The following APBA1 variants were observed in gnomAD, a reference collection of about 807,000 sequenced individuals.
APBA1 encodes the protein amyloid beta precursor protein binding family A member 1.
In APBA1, 55 loss-of-function variants were observed where a neutral mutation model predicts 86.6. The ratio of observed to expected loss-of-function variants is 0.64; its 90% CI spans 0.51 to 0.80. APBA1 has a LOEUF of 0.80. Among genes scored for constraint, APBA1 ranks in the 30% least tolerant of loss-of-function variants. The probability of loss-of-function intolerance (pLI) is 0.00; values close to 1 mark genes in which losing one functional copy is unlikely to be tolerated. For synonymous variants in APBA1, 511 were observed against 493.9 expected (o/e 1.03, Z -0.46); for missense variants, 1,090 against 1,183.0 (o/e 0.92, Z 1.15).
At chr9:69,531,935 C>T (rs1196424466) in intron 1 of APBA1, among the ~76,000 whole-genome samples, 1 of 152,170 alleles carries the variant, frequency 6.6e-6, no homozygotes, top group Non-Finnish European at 1.5e-5. Flanking sequence ...CCTTACTGTG[C>T]TTCAGTTTTC....
chr9:69,561,355 G>A (rs1165512087), intron 1 of APBA1, among the ~76,000 whole-genome samples: 2 of 152,190 alleles, frequency 1.3e-5, no homozygotes, highest in East Asian at 1.9e-4. Flanking sequence ...TGACTGGGTG[G>A]AGGAACACAC....
intron 1 of APBA1, among the ~76,000 whole-genome samples, chr9:69,635,277 T>C (rs138876417): frequency 9.3e-4 from 141 of 152,162 alleles, no homozygotes; most frequent in African/African-American, 3.2e-3. Flanking sequence ...GTTTATGCAA[T>C]TGGTGTTAAG....
chr9:69,503,174 G>GT (rs1387303194), intron 2 of APBA1, among the ~76,000 whole-genome samples: 18 of 152,118 alleles, frequency 1.2e-4, no homozygotes, highest in African/African-American at 4.3e-4. Context: ...CAGGAAAGCA[G>GT]TAACAATGAG....
intron 1 of APBA1, among the ~76,000 whole-genome samples, chr9:69,670,562 C>T (rs546857082): frequency 6.6e-6 from 1 of 152,156 alleles, no homozygotes; most frequent in Admixed American, 6.5e-5. Context: ...CTATGAATAC[C>T]GCAGGAGAAA....
intron 1 of APBA1, among the ~76,000 whole-genome samples, chr9:69,578,024 A>G (rs73647255): frequency 0.074 from 11,269 of 152,200 alleles, 594 homozygotes; most frequent in African/African-American, 0.14. Context: ...AAAATGAAGG[A>G]CCCTAGATTG....
chr9:69,662,383 G>C (rs1823769705), intron 1 of APBA1, among the ~76,000 whole-genome samples: 2 of 152,166 alleles, frequency 1.3e-5, no homozygotes, highest in South Asian at 4.1e-4. Flanking sequence ...CTTGTTTTTA[G>C]TCACTGGATG....
chr9:69,586,148 C>A (rs1431780242), intron 1 of APBA1, among the ~76,000 whole-genome samples: 1 of 152,178 alleles, frequency 6.6e-6, no homozygotes, highest in African/African-American at 2.4e-5. Flanking sequence ...CCCATCCATA[C>A]ATAATAACCA....
At chr9:69,567,517 G>A (rs1837047181) in intron 1 of APBA1, among the ~76,000 whole-genome samples, 1 of 151,960 alleles carries the variant, frequency 6.6e-6, no homozygotes, top group South Asian at 2.1e-4. Context: ...TTGGTGTGCT[G>A]CACCCATTAA....
Position 69,658,264 on chromosome 9 carries a change from CTTTCTTTCTTTCTTTCTT to C in APBA1, c.-70+13871_-70+13888del, listed in dbSNP as rs1375093275. Among the ~76,000 whole-genome samples, 407 of 65,856 alleles carry C rather than the reference CTTTCTTTCTTTCTTTCTT, an allele frequency of 6.2e-3. 5 individuals carry two copies. The highest frequency in any genetic ancestry group is 7.8e-3 in the Non-Finnish European group (242 of 31,084). 43.2% of individuals were successfully genotyped at this position (65,856 alleles called of 152,430 possible). On this transcript the variant is annotated intron_variant, in intron 1 of 12. Coordinates refer to ENST00000265381, the MANE Select transcript of APBA1 (RefSeq NM_001163.4). ...TCTTTCTTTCTTTCTTTCTTTCTTT[CTTTCTTTCTTTCTTTCTT>C]TCTCTCTCTCTTTCTCTCTCTCTCT... is the stretch of plus-strand genomic sequence containing the variant.
rs12350861 is a variant in APBA1, at chr9:69,625,768, C to A, written c.-70+46385G>T. On this transcript the variant is annotated intron_variant, in intron 1 of 12. Coordinates refer to ENST00000265381, the MANE Select transcript of APBA1 (RefSeq NM_001163.4). ...TACTAAAATTTGAAACATATTCCAA[C>A]GACTTTAAGAGGTTTTGACTCAATG... Among the ~76,000 whole-genome samples, 1,519 of 152,198 alleles carry A rather than the reference C, an allele frequency of 1.0e-2. 13 individuals carry two copies. Among genetic ancestry groups the A allele is most frequent in the African/African-American group, 0.029 (1,217 of 41,514 alleles).
At chr9:69,528,447 G>A (rs1189913573) in intron 1 of APBA1, among the ~76,000 whole-genome samples, 9 of 152,022 alleles carry the variant, frequency 5.9e-5, no homozygotes, top group African/African-American at 2.2e-4. Flanking sequence ...GGCAATCACT[G>A]AAACTCAGAG....
chr9:69,530,345 C>CAT (rs369200773), intron 1 of APBA1, among the ~76,000 whole-genome samples: 31,304 of 145,554 alleles, frequency 0.22, 3,577 homozygotes, highest in African/African-American at 0.27. Context: ...CACACACACA[C>CAT]ACACACACAC....
intron 2 of APBA1, among the ~76,000 whole-genome samples, chr9:69,489,561 T>TC (rs1835668939): frequency 6.6e-6 from 1 of 152,096 alleles, no homozygotes; most frequent in Admixed American, 6.5e-5. Flanking sequence ...GAGAAAATTT[T>TC]CCCAACCTAC....
intron 1 of APBA1, among the ~76,000 whole-genome samples, chr9:69,669,676 G>A (rs1295132522): frequency 6.6e-6 from 1 of 152,236 alleles, no homozygotes; most frequent in African/African-American, 2.4e-5. Context: ...TCAGGAGGCT[G>A]AGGCAGGAGG....
chr9:69,593,404 C>T (rs988217007), intron 1 of APBA1, among the ~76,000 whole-genome samples: 3 of 152,130 alleles, frequency 2.0e-5, no homozygotes, highest in African/African-American at 7.2e-5. Context: ...TGTCATATTT[C>T]ACTTGCTTAG....
intron 1 of APBA1, among the ~76,000 whole-genome samples, chr9:69,581,712 T>C (rs1013844827): frequency 1.3e-5 from 2 of 152,158 alleles, no homozygotes; most frequent in Non-Finnish European, 2.9e-5. Flanking sequence ...GGAAGGACTA[T>C]TGCACTGAGG....
intron 1 of APBA1, among the ~76,000 whole-genome samples, chr9:69,636,071 T>C (rs1422940686): frequency 6.6e-6 from 1 of 152,204 alleles, no homozygotes; most frequent in Non-Finnish European, 1.5e-5. Context: ...TCTAATAATC[T>C]GGTTTAAAAA....
At chr9:69,588,595 A>G (rs549937718) in intron 1 of APBA1, among the ~76,000 whole-genome samples, 30 of 152,270 alleles carry the variant, frequency 2.0e-4, no homozygotes, top group African/African-American at 7.0e-4. Flanking sequence ...TTTTTTGGAC[A>G]TGTTAAGTTT....
intron 1 of APBA1, among the ~76,000 whole-genome samples, chr9:69,565,982 C>T (rs1450281288): frequency 4.6e-5 from 7 of 152,216 alleles, no homozygotes; most frequent in African/African-American, 9.6e-5. Flanking sequence ...CAGGCCCCAC[C>T]GACCAACCCA....
Sources: allele counts gnomAD v4.1 joint callset (sites outside exome capture counted in the v4.1 genomes callset), GRCh38; gene constraint gnomAD v4.1.1; transcripts MANE v1.5; gene names NCBI Gene and HGNC (gene_info 2026-07-23, HGNC 2026-07-21).